Variants in PRKD1 observed in about 807,000 individuals in gnomAD.
The protein encoded by PRKD1 is serine/threonine-protein kinase D1.
PRKD1 carries 63 observed loss-of-function variants against 95.9 expected under a neutral mutation model. The observed-to-expected ratio is 0.66, with a 90% CI of 0.54 to 0.81. The LOEUF (loss-of-function observed/expected upper bound fraction) is 0.81. Ranked by LOEUF, PRKD1 falls within the 30% of genes least tolerant of loss-of-function variation. The pLI is 0.00. For synonymous variants in PRKD1, 425 were observed against 423.1 expected (o/e 1.00, Z -0.05); for missense variants, 1,048 against 1,165.3 (o/e 0.90, Z 1.47).
Position 29,647,829 on chromosome 14 carries a change from C to T in PRKD1, c.697-8925G>A, listed in dbSNP as rs555456282. Among the ~76,000 whole-genome samples the T allele has an allele frequency of 1.4e-4, 22 of 152,230 alleles. No individual in the cohort carries two copies. In the South Asian group the frequency reaches 3.1e-3, roughly 22 times the overall value. ...TTAAGGTGTACACTGGCTTAGCAGACGTGTCCTGAAAGACTGAGCACCGGA... is the reference window on the plus strand; with the variant it reads ...TTAAGGTGTACACTGGCTTAGCAGATGTGTCCTGAAAGACTGAGCACCGGA... On this transcript the variant is annotated intron_variant, in intron 4 of 17. Coordinates refer to ENST00000331968, the MANE Select transcript of PRKD1 (RefSeq NM_002742.3).
intron 1 of PRKD1, among the ~76,000 whole-genome samples, chr14:29,898,418 T>A (rs1178957768): frequency 6.6e-6 from 1 of 152,192 alleles, no homozygotes. Flanking sequence ...ATAGTATTTT[T>A]TTCTCTATGT....
intron 1 of PRKD1, among the ~76,000 whole-genome samples, chr14:29,911,225 T>C (rs1452247224): frequency 6.6e-6 from 1 of 152,196 alleles, no homozygotes; most frequent in Non-Finnish European, 1.5e-5. Flanking sequence ...GGAAATCAAA[T>C]ATCTTAAATT....
At chr14:29,864,538 C>T (rs1892818844) in intron 1 of PRKD1, among the ~76,000 whole-genome samples, 1 of 152,078 alleles carries the variant, frequency 6.6e-6, no homozygotes, top group Non-Finnish European at 1.5e-5. Context: ...TACTTTTTCT[C>T]CTAAAAATAC....
At position 29,826,816 on chromosome 14, in the gene PRKD1, CATATATATATAT is replaced by C. The variant is rs1173701577; in HGVS notation, c.264+100421_264+100432del. ...ACATATATATACACATATATATACA[CATATATATATAT>C]ATATATATATACACACATATATATA... On this transcript the variant is annotated intron_variant, in intron 1 of 17. Coordinates refer to ENST00000331968, the MANE Select transcript of PRKD1 (RefSeq NM_002742.3). Among the ~76,000 whole-genome samples, 22 of 31,174 alleles carry C rather than the reference CATATATATATAT, an allele frequency of 7.1e-4. 4 individuals are homozygous for C. Among genetic ancestry groups the C allele is most frequent in the Admixed American group, 2.7e-3 (5 of 1,836 alleles). The allele number at this position is 31,174 out of a possible 152,430, so 20.5% of individuals were successfully genotyped here.
intron 1 of PRKD1, among the ~76,000 whole-genome samples, chr14:29,849,078 T>G (rs1460789925): frequency 3.9e-5 from 6 of 152,204 alleles, no homozygotes; most frequent in Admixed American, 2.6e-4. Context: ...CACCAAAATC[T>G]CATGTCAAAT....
chr14:29,656,432 G>T, intron 4 of PRKD1: 1 of 1,497,080 alleles, frequency 6.7e-7, no homozygotes. Context: ...GTTTGAAAAA[G>T]ACAGTGAAGC....
intron 1 of PRKD1, among the ~76,000 whole-genome samples, chr14:29,863,565 T>A (rs568310343): frequency 1.2e-4 from 18 of 152,304 alleles, no homozygotes. Flanking sequence ...CTTTTAGGAC[T>A]AAATGTTGAA....
chr14:29,890,700 A>C (rs1893908753), intron 1 of PRKD1, among the ~76,000 whole-genome samples: 1 of 152,168 alleles, frequency 6.6e-6, no homozygotes, highest in South Asian at 2.1e-4. Context: ...CAATTTAGTA[A>C]CCCTTCTAAG....
chr14:29,921,322 A>T (rs1594629053), intron 1 of PRKD1, among the ~76,000 whole-genome samples: 2 of 152,092 alleles, frequency 1.3e-5, no homozygotes, highest in South Asian at 2.1e-4. Flanking sequence ...CAGGAAAAAG[A>T]TGTCACCTGG....
At chr14:29,605,805 C>A (rs529778834) in intron 13 of PRKD1, among the ~76,000 whole-genome samples, 127 of 152,252 alleles carry the variant, frequency 8.3e-4, no homozygotes, top group African/African-American at 2.9e-3. Context: ...GAATAATATT[C>A]TTTAAGATCT....
chr14:29,896,491 C>A (rs1894131149), intron 1 of PRKD1, among the ~76,000 whole-genome samples: 2 of 152,034 alleles, frequency 1.3e-5, no homozygotes, highest in South Asian at 4.1e-4. Flanking sequence ...TTTGCTCTCC[C>A]TGATAATCAG....
intron 1 of PRKD1, among the ~76,000 whole-genome samples, chr14:29,741,121 G>A (rs2139433974): frequency 6.6e-6 from 1 of 152,288 alleles, no homozygotes; most frequent in Admixed American, 6.5e-5. Flanking sequence ...GTGGAGGGTA[G>A]GAGGAGGTAG....
At chr14:29,926,005 G>A (rs2139148548) in intron 1 of PRKD1, among the ~76,000 whole-genome samples, 1 of 152,240 alleles carries the variant, frequency 6.6e-6, no homozygotes, top group Middle Eastern at 3.4e-3. Context: ...CTTGGAAGTT[G>A]CAAACAGTTG....
chr14:29,796,788 G>C (rs145580302), intron 1 of PRKD1, among the ~76,000 whole-genome samples: 1 of 152,138 alleles, frequency 6.6e-6, no homozygotes, highest in South Asian at 2.1e-4. Flanking sequence ...ACAAGAGTCT[G>C]ATTTAAGTAT....
chr14:29,768,934 G>T (rs983530237), intron 1 of PRKD1, among the ~76,000 whole-genome samples: 1 of 152,036 alleles, frequency 6.6e-6, no homozygotes, highest in African/African-American at 2.4e-5. Flanking sequence ...TCCAGCATCC[G>T]GGAGCCCAAG....
At chr14:29,799,322 C>A (rs1280759522) in intron 1 of PRKD1, among the ~76,000 whole-genome samples, 3 of 152,166 alleles carry the variant, frequency 2.0e-5, no homozygotes, top group African/African-American at 4.8e-5. Context: ...TGCTTCCCTA[C>A]TAATATTTTG....
intron 1 of PRKD1, among the ~76,000 whole-genome samples, chr14:29,877,954 GAAT>G (rs1291768415): frequency 6.6e-6 from 1 of 152,202 alleles, no homozygotes; most frequent in Non-Finnish European, 1.5e-5. Flanking sequence ...ATACACCATG[GAAT>G]ATTATTGCAG....
intron 1 of PRKD1, among the ~76,000 whole-genome samples, chr14:29,736,861 T>G (rs1310719073): frequency 6.6e-6 from 1 of 152,164 alleles, no homozygotes; most frequent in African/African-American, 2.4e-5. Context: ...TAAATACATG[T>G]TTTAATGAGT....
Position 29,723,973 on chromosome 14 carries a change from A to G in PRKD1, c.403+1563T>C, listed in dbSNP as rs890509617. On this transcript the variant is annotated intron_variant, in intron 2 of 17. Transcript: ENST00000331968. ...GGGAGGTAGGGCATACGCACAATGA[A>G]GTTCTCAATTTGCAAAGATGGGAGA... 2.6e-5 allele frequency among the ~76,000 whole-genome samples: 4 copies of G among 152,088 alleles called. No homozygotes were observed. The East Asian group carries it at 7.7e-4, about 29-fold the overall frequency.
Sources: allele counts gnomAD v4.1 joint callset (sites outside exome capture counted in the v4.1 genomes callset), GRCh38; gene constraint gnomAD v4.1.1; transcripts MANE v1.5; gene names NCBI Gene and HGNC (gene_info 2026-07-23, HGNC 2026-07-21).